The following KLHL6 variants were observed in gnomAD, a reference collection of about 807,000 sequenced individuals.
KLHL6 encodes kelch-like protein 6.
KLHL6 carries 41 observed loss-of-function variants against 58.6 expected under a neutral mutation model. The ratio of observed to expected loss-of-function variants is 0.70; its 90% CI spans 0.55 to 0.91. The LOEUF (loss-of-function observed/expected upper bound fraction) is 0.91, where lower values mean the gene tolerates loss of function less well. KLHL6 is among the 40% of genes least tolerant of loss of function. The pLI, the probability that KLHL6 is intolerant of heterozygous loss-of-function variation, is 0.00. For missense variants in KLHL6, 714 were observed against 805.6 expected (o/e 0.89, Z 1.38); for synonymous variants, 338 against 322.7 (o/e 1.05, Z -0.51).
chr3:183,545,400 T>A (rs1712686303), intron 1 of KLHL6, among the ~76,000 whole-genome samples: 1 of 152,220 alleles, frequency 6.6e-6, no homozygotes, highest in Non-Finnish European at 1.5e-5. Context: ...GGAGGGACAG[T>A]TGCATATCCA....
chr3:183,492,287 T>A lies in KLHL6; in HGVS notation c.1565-59A>T. ...TCCATTTTTCTGGTTTCTTCCCTCTTAACCACTAAAATTCAACTTCTGATT... is the reference window on the plus strand; with the variant it reads ...TCCATTTTTCTGGTTTCTTCCCTCTAAACCACTAAAATTCAACTTCTGATT... On this transcript the variant is annotated intron_variant, in intron 6 of 6. Transcript: ENST00000341319. The surrounding 1 kb of genome is among the most constrained non-coding windows in gnomAD (Gnocchi z 5.9). 6.9e-7 allele frequency: 1 copy of A among 1,458,764 alleles called. No homozygotes were observed. The highest frequency in any genetic ancestry group is 9.2e-7 in the Non-Finnish European group (1 of 1,086,398). The allele number at this position is 1,458,764 out of a possible 1,614,324, so 90.4% of individuals were successfully genotyped here.
At chr3:183,551,383 T>C (rs1027430313) in intron 1 of KLHL6, among the ~76,000 whole-genome samples, 1 of 152,104 alleles carries the variant, frequency 6.6e-6, no homozygotes. Context: ...GATTGTTTGA[T>C]GCATTGGACC....
chr3:183,513,599 C>T (rs1004242198), intron 2 of KLHL6, among the ~76,000 whole-genome samples: 1 of 152,220 alleles, frequency 6.6e-6, no homozygotes, highest in Admixed American at 6.5e-5. Flanking sequence ...AGAATCAAAT[C>T]AAGTACTGAA....
At chr3:183,537,719 C>T (rs1262317966) in intron 1 of KLHL6, among the ~76,000 whole-genome samples, 4 of 152,178 alleles carry the variant, frequency 2.6e-5, no homozygotes, top group Non-Finnish European at 5.9e-5. Context: ...CTCCACCAGG[C>T]TTCCTCACCT....
rs1717478339 is a variant in KLHL6, at chr3:183,489,253, T to C, written c.*2674A>G. ...CTCTGGAAGTTCCTCCCTGCAATAG[T>C]CTTTGGAGTAAGACTGACTTTTCCT... On this transcript the variant is annotated 3_prime_UTR_variant, in exon 7 of 7. Coordinates refer to ENST00000341319, the MANE Select transcript of KLHL6 (RefSeq NM_130446.4). 1 of 152,208 alleles carries C rather than the reference T, an allele frequency of 6.6e-6. No individual in the cohort carries two copies. Among genetic ancestry groups the C allele is most frequent in the African/African-American group, 2.4e-5 (1 of 41,448 alleles). 9.4% of individuals were successfully genotyped at this position (152,208 alleles called of 1,614,324 possible).
chr3:183,525,213 G>A lies in KLHL6; in HGVS notation c.459+2632C>T, dbSNP rs977130386. On this transcript the variant is annotated intron_variant, in intron 2 of 6. Coordinates refer to ENST00000341319, the MANE Select transcript of KLHL6 (RefSeq NM_130446.4). Reference sequence around the variant, plus strand: ...CGGGAGGCGGAGGTTGCAGTGAGCCGAGATTGCACCACTGCACTCCAGCCT... The same window carrying A: ...CGGGAGGCGGAGGTTGCAGTGAGCCAAGATTGCACCACTGCACTCCAGCCT... Among the ~76,000 whole-genome samples the A allele has an allele frequency of 1.8e-4, 27 of 150,608 alleles. No individual in the cohort carries two copies. The East Asian group carries it at 4.5e-3, about 25-fold the overall frequency.
intron 2 of KLHL6, among the ~76,000 whole-genome samples, chr3:183,520,046 A>G (rs1272228765): frequency 3.9e-5 from 6 of 152,154 alleles, no homozygotes; most frequent in Non-Finnish European, 7.3e-5. Context: ...AAGCAGGCAA[A>G]ACTAACCCAT....
At chr3:183,531,200 C>T (rs375757303) in intron 1 of KLHL6, among the ~76,000 whole-genome samples, 6 of 152,060 alleles carry the variant, frequency 3.9e-5, no homozygotes, top group African/African-American at 1.4e-4. Flanking sequence ...AGGACCACTG[C>T]CTCGGTTCAA....
In KLHL6 at chr3:183,555,503, C is replaced by T. The variant is rs895697793; in HGVS notation, c.151G>A (p.Asp51Asn). Residue 51 changes from aspartate to asparagine, a missense_variant, in exon 1 of 7, where the codon GAC (aspartate) becomes AAC (asparagine). Physicochemically the swap from Asp to Asn is conservative, Grantham distance 23. This residue lies in a region of KLHL6 where 204 missense variants were observed against 175.9 expected (regional missense o/e 1.16). Transcript: ENST00000341319. ...ILNGEKVKFD[D>N]AGLSLILQNG... ...TGAAGAATTAAGGAGAGTCCCGCGTCGTCAAATTTGACCTTTTCCCCATTT... is the reference window on the plus strand; with the variant it reads ...TGAAGAATTAAGGAGAGTCCCGCGTTGTCAAATTTGACCTTTTCCCCATTT... The T allele has an allele frequency of 6.2e-7, 1 of 1,614,040 alleles. No individual in the cohort carries two copies. The highest frequency in any genetic ancestry group is 8.5e-7 in the Non-Finnish European group (1 of 1,180,052).
intron 1 of KLHL6, among the ~76,000 whole-genome samples, chr3:183,534,387 A>G (rs1042360159): frequency 6.6e-6 from 1 of 151,960 alleles, no homozygotes; most frequent in Non-Finnish European, 1.5e-5. Flanking sequence ...TACAGTTTCT[A>G]GTCACCACAT....
At position 183,492,505 on chromosome 3, in the gene KLHL6, A is replaced by T; in HGVS notation, c.1553T>A (p.Ile518Asn). Residue 518 changes from isoleucine to asparagine, a missense_variant, in exon 6 of 7, where the codon ATC (isoleucine) becomes AAC (asparagine). By Grantham distance (149) the Ile-to-Asn change is moderately radical. Transcript: ENST00000341319. The surrounding 1 kb of genome is among the most constrained non-coding windows in gnomAD (Gnocchi z 5.9). The part of the protein sequence containing the change: ...CINAVSFRDR[I>N]YVVGGAMRAL... ...AAGCCATTACTCACCAACGACATAG[A>T]TGCGGTCCCGGAAACTCACTGCATT... is the stretch of plus-strand genomic sequence containing the variant. 4 of 1,614,174 alleles carry T rather than the reference A, an allele frequency of 2.5e-6. No homozygotes were observed. Among genetic ancestry groups the T allele is most frequent in the Non-Finnish European group, 3.4e-6 (4 of 1,180,026 alleles).
At chr3:183,552,658 C>T (rs1228247176) in intron 1 of KLHL6, among the ~76,000 whole-genome samples, 1 of 137,860 alleles carries the variant, frequency 7.3e-6, no homozygotes, top group African/African-American at 2.8e-5. Flanking sequence ...GCGGAGTTTG[C>T]AGTGAGCAGA....
At chr3:183,547,110 A>C (rs1263311808) in intron 1 of KLHL6, among the ~76,000 whole-genome samples, 1 of 152,006 alleles carries the variant, frequency 6.6e-6, no homozygotes, top group Non-Finnish European at 1.5e-5. Context: ...ACGGTGTTTC[A>C]CCATGTTGGC....
intron 1 of KLHL6, among the ~76,000 whole-genome samples, chr3:183,536,786 C>T (rs919189142): frequency 1.3e-5 from 2 of 152,192 alleles, no homozygotes; most frequent in African/African-American, 2.4e-5. Flanking sequence ...ACTCACAACC[C>T]TTATCTCTTC....
intron 1 of KLHL6, among the ~76,000 whole-genome samples, chr3:183,538,139 G>C (rs979293343): frequency 6.6e-6 from 1 of 152,144 alleles, no homozygotes; most frequent in Non-Finnish European, 1.5e-5. Flanking sequence ...CCCGAGTCCA[G>C]GGCCTAGAGC....
chr3:183,523,891 C>T (rs1711855590), intron 2 of KLHL6, among the ~76,000 whole-genome samples: 2 of 151,934 alleles, frequency 1.3e-5, no homozygotes, highest in South Asian at 4.2e-4. Context: ...TCCTGAGTAG[C>T]TGGGATTACA....
At chr3:183,542,516 C>T (rs1181841010) in intron 1 of KLHL6, among the ~76,000 whole-genome samples, 2 of 152,164 alleles carry the variant, frequency 1.3e-5, no homozygotes, top group African/African-American at 4.8e-5. Flanking sequence ...CTGGCCAATG[C>T]CTACTCATCC....
rs1469082746 is a variant in KLHL6 at position 183,488,045 on chromosome 3, T to A, written c.*3882A>T. On this transcript the variant is annotated 3_prime_UTR_variant, in exon 7 of 7. Coordinates refer to ENST00000341319, the MANE Select transcript of KLHL6 (RefSeq NM_130446.4). The stretch of plus-strand genomic sequence containing the variant: ...TATTTGTATTTCCCTGAGAGCGTAG[T>A]TTGCTTTGAGTTCAAGGGCATGGTG... The A allele has an allele frequency of 6.6e-6, 1 of 152,240 alleles. No individual in the cohort carries two copies. Among genetic ancestry groups the A allele is most frequent in the Non-Finnish European group, 1.5e-5 (1 of 68,054 alleles). 9.4% of individuals were successfully genotyped at this position (152,240 alleles called of 1,614,324 possible).
intron 1 of KLHL6, among the ~76,000 whole-genome samples, chr3:183,548,375 T>C (rs1037009663): frequency 1.3e-5 from 2 of 152,168 alleles, no homozygotes; most frequent in Admixed American, 6.5e-5. Context: ...CTCTGCCCTG[T>C]CTCATGACTG....
Sources: gnomAD v4.1 joint callset for allele counts (sites outside exome capture counted in the v4.1 genomes callset) on GRCh38, gnomAD v4.1.1 for gene constraint, gnomAD v4.1.1 regional missense constraint, Gnocchi (gnomAD v3.1) non-coding constraint, MANE v1.5 for transcripts, NCBI Gene and HGNC (gene_info 2026-07-23, HGNC 2026-07-21) for gene names.